TP53I13: variants seen among roughly 807,000 people sequenced by gnomAD.
TP53I13 encodes tumor protein p53 inducible protein 13, also known as tumor protein p53-inducible protein 13.
Under a neutral mutation model 39.1 loss-of-function variants are expected in TP53I13, and 27 were observed. The ratio of observed to expected loss-of-function variants is 0.69; its 90% CI spans 0.51 to 0.95. The LOEUF (loss-of-function observed/expected upper bound fraction) is 0.95. TP53I13 is among the 40% of genes least tolerant of loss of function. The pLI is 0.00. For missense variants in TP53I13, 544 were observed against 520.4 expected (o/e 1.05, Z -0.44); for synonymous variants, 230 against 224.6 (o/e 1.02, Z -0.22).
In TP53I13 at chr17:29,568,739, C is replaced by T. The variant is rs772041964; in HGVS notation, c.-20C>T. 10 of 1,503,414 alleles carry T rather than the reference C, an allele frequency of 6.7e-6. No individual in the cohort carries two copies. The highest frequency in any genetic ancestry group is 2.1e-5 in the Admixed American group (1 of 47,042). The allele number at this position is 1,503,414 out of a possible 1,614,324, so 93.1% of individuals were successfully genotyped here. Reference sequence around the variant, plus strand: ...CTGGCGGAGCGGCTGGGCGGCGGGCCGGGCCCGGGGCCGCTTGGAATGGCG... The same window carrying T: ...CTGGCGGAGCGGCTGGGCGGCGGGCTGGGCCCGGGGCCGCTTGGAATGGCG... On this transcript the variant is annotated 5_prime_UTR_variant, in exon 1 of 7. Coordinates refer to ENST00000301057, the MANE Select transcript of TP53I13 (RefSeq NM_138349.4). This position sits in a 1 kb window ranked among gnomAD's most constrained non-coding sequence, Gnocchi z 4.5.
At chr17:29,581,672 G>A in the TP53I13 span, 1 of 1,188,342 alleles carries the variant, frequency 8.4e-7, no homozygotes, top group Non-Finnish European at 1.2e-6. The surrounding 1 kb of genome is among the most constrained non-coding windows in gnomAD (Gnocchi z 4.8). Flanking sequence ...GCTGCCGGGT[G>A]CGTCCAGGTC....
chr17:29,578,541 G>A, the TP53I13 span, among the ~76,000 whole-genome samples: 5 of 152,344 alleles, frequency 3.3e-5, no homozygotes, highest in East Asian at 9.6e-4. Flanking sequence ...AAACTCCAAG[G>A]TGGGAGAGAA....
the TP53I13 span, chr17:29,578,667 C>G: frequency 7.2e-7 from 1 of 1,391,420 alleles, no homozygotes; most frequent in African/African-American, 1.4e-5. Flanking sequence ...GAAGCAAGAG[C>G]AGAGGGTGGG....
In TP53I13 at chr17:29,568,772, C is replaced by T; in HGVS notation, c.14C>T (p.Pro5Leu). The change falls in exon 1 of 7, where the codon CCG becomes CTG. Residue 5 changes from proline (P) to leucine (L), a missense_variant. Coordinates refer to ENST00000301057, the MANE Select transcript of TP53I13 (RefSeq NM_138349.4). This position sits in a 1 kb window ranked among gnomAD's most constrained non-coding sequence, Gnocchi z 4.5. ...GGGCCGCTTGGAATGGCGCCTCCTC[C>T]GCCTTCGCCCCAACTGCTTCTCCTG... MAPP[P>L]PSPQLLLLAA... 1 of 1,591,066 alleles carries T rather than the reference C, an allele frequency of 6.3e-7. No individual in the cohort carries two copies. Among genetic ancestry groups the T allele is most frequent in the Non-Finnish European group, 8.5e-7 (1 of 1,176,384 alleles).
the TP53I13 span, among the ~76,000 whole-genome samples, chr17:29,579,601 G>A: frequency 6.6e-6 from 1 of 152,010 alleles, no homozygotes; most frequent in Non-Finnish European, 1.5e-5. Context: ...GCTGAGCACG[G>A]TGGCATGTGC....
At chr17:29,578,669 G>T in the TP53I13 span, 1 of 1,400,498 alleles carries the variant, frequency 7.1e-7, no homozygotes, top group Non-Finnish European at 1.0e-6. Context: ...AGCAAGAGCA[G>T]AGGGTGGGGG....
At chr17:29,566,412 GC>G, upstream of TP53I13, 1 of 1,611,986 alleles carries the variant, frequency 6.2e-7, no homozygotes, top group Non-Finnish European at 8.5e-7. Context: ...CCGGGTAGTA[GC>G]CGCGCTCCAG....
downstream of TP53I13, chr17:29,576,009 C>G: frequency 6.4e-7 from 1 of 1,572,646 alleles, no homozygotes; most frequent in African/African-American, 1.3e-5. Flanking sequence ...CCGAATTCAG[C>G]ACAGAGCCCA....
chr17:29,581,650 A>C, the TP53I13 span: 1 of 971,356 alleles, frequency 1.0e-6, no homozygotes, highest in Non-Finnish European at 1.6e-6. This position sits in a 1 kb window ranked among gnomAD's most constrained non-coding sequence, Gnocchi z 4.8. Context: ...CCGCTCTGTC[A>C]CCATGGCACC....
chr17:29,568,718 C>A lies in TP53I13; in HGVS notation c.-41C>A, dbSNP rs752006126. 1.5e-6 allele frequency: 2 copies of A among 1,349,362 alleles called. No homozygotes were observed. The highest frequency in any genetic ancestry group is 1.9e-6 in the Non-Finnish European group (2 of 1,049,936). The allele number at this position is 1,349,362 out of a possible 1,614,324, so 83.6% of individuals were successfully genotyped here. On this transcript the variant is annotated 5_prime_UTR_variant, in exon 1 of 7. Transcript: ENST00000301057. The surrounding 1 kb of genome is among the most constrained non-coding windows in gnomAD (Gnocchi z 4.5). The stretch of plus-strand genomic sequence containing the variant: ...CGGGGCGCGCGCGCTCCCTCGCTGG[C>A]GGAGCGGCTGGGCGGCGGGCCGGGC...
upstream of TP53I13, chr17:29,567,132 C>T (rs1217139626): frequency 2.0e-5 from 7 of 346,152 alleles, no homozygotes; most frequent in Non-Finnish European, 3.0e-5. This position sits in a 1 kb window ranked among gnomAD's most constrained non-coding sequence, Gnocchi z 6.6. Context: ...AGTTCGGGCC[C>T]GGCTGCCCTC....
chr17:29,577,043 CAT>C (rs773266318), downstream of TP53I13: 2 of 1,606,870 alleles, frequency 1.2e-6, no homozygotes, highest in African/African-American at 2.7e-5. Flanking sequence ...CCACACAACC[CAT>C]CTCTCAGGTC....
At chr17:29,568,123 T>C (rs1415002624), upstream of TP53I13, 2 of 152,060 alleles carry the variant, frequency 1.3e-5, no homozygotes, top group African/African-American at 2.4e-5. This position sits in a 1 kb window ranked among gnomAD's most constrained non-coding sequence, Gnocchi z 4.5. Context: ...TTTGGAGAGT[T>C]TGGGGAGCGG....
At chr17:29,577,597 C>T (rs747270751), downstream of TP53I13, 22 of 1,213,006 alleles carry the variant, frequency 1.8e-5, no homozygotes, top group African/African-American at 1.2e-4. Flanking sequence ...GAGGAGGGAC[C>T]GCGGGGATGA....
chr17:29,581,528 CTCGTGGGAGG>C, the TP53I13 span: 1 of 737,956 alleles, frequency 1.4e-6, no homozygotes, highest in Non-Finnish European at 2.4e-6. The surrounding 1 kb of genome is among the most constrained non-coding windows in gnomAD (Gnocchi z 4.8). Context: ...ATGCTGGGAG[CTCGTGGGAGG>C]ATGCAGGATG....
At chr17:29,566,799 C>T, upstream of TP53I13, 6 of 1,513,582 alleles carry the variant, frequency 4.0e-6, no homozygotes, top group Non-Finnish European at 4.4e-6. Flanking sequence ...TGAACTGGTC[C>T]GCCGGGCCTC....
At chr17:29,571,065 G>A (rs2032905351) in intron 3 of TP53I13, 1 of 153,822 alleles carries the variant, frequency 6.5e-6, no homozygotes, top group Non-Finnish European at 1.4e-5. Context: ...CTTGCAAGCA[G>A]AGTCCAGGAG....
upstream of TP53I13, chr17:29,568,642 A>T: frequency 1.6e-6 from 1 of 635,738 alleles, no homozygotes; most frequent in Non-Finnish European, 1.9e-6. The surrounding 1 kb of genome is among the most constrained non-coding windows in gnomAD (Gnocchi z 4.5). Flanking sequence ...GCCCAGGGCC[A>T]ACGGACGCGC....
chr17:29,571,624 G>T lies in TP53I13; in HGVS notation c.217G>T (p.Ala73Ser). 1 of 1,614,122 alleles carries T rather than the reference G, an allele frequency of 6.2e-7. No individual in the cohort carries two copies. Among genetic ancestry groups the T allele is most frequent in the Admixed American group, 1.7e-5 (1 of 60,026 alleles). The change falls in exon 4 of 7, where the codon GCC becomes TCC. Residue 73 changes from alanine (A) to serine (S), a missense_variant. Physicochemically the swap from Ala to Ser is moderately conservative, Grantham distance 99. Transcript: ENST00000301057. Reference sequence around the variant, plus strand: ...TGTCACCTTCCTCTACCACCCCTGTGCCCATCCCTGGCTGAAGCTCCAGCT... The same window carrying T: ...TGTCACCTTCCTCTACCACCCCTGTTCCCATCCCTGGCTGAAGCTCCAGCT... The part of the protein sequence containing the change: ...EDVTFLYHPC[A>S]HPWLKLQLAL...
Sources: allele counts gnomAD v4.1 joint callset (sites outside exome capture counted in the v4.1 genomes callset), GRCh38; gene constraint gnomAD v4.1.1; non-coding constraint Gnocchi (gnomAD v3.1); transcripts MANE v1.5; gene names NCBI Gene and HGNC (gene_info 2026-07-23, HGNC 2026-07-21).